TANC2: variants seen among roughly 807,000 people sequenced by gnomAD.
The protein encoded by TANC2 is tetratricopeptide repeat, ankyrin repeat and coiled-coil containing 2.
Under a neutral mutation model 210.5 loss-of-function variants are expected in TANC2, and 26 were observed. The observed-to-expected ratio is 0.12, with a 90% confidence interval of 0.09 to 0.17. The LOEUF is 0.17. Ranked by LOEUF, TANC2 falls within the 10% of genes least tolerant of loss-of-function variation. The pLI is 1.00. For synonymous variants in TANC2, 931 were observed against 967.1 expected, an observed-to-expected ratio of 0.96 and a Z score of 0.69; for missense variants, 2,129 against 2,608.9, an observed-to-expected ratio of 0.82 and a Z score of 4.01.
intron 7 of TANC2, among the ~76,000 whole-genome samples, chr17:63,205,626 C>T (rs373130006): frequency 2.6e-5 from 4 of 152,120 alleles, no homozygotes; most frequent in East Asian, 3.9e-4. Flanking sequence ...GCAAAAAGGC[C>T]GGGCACTGTG....
chr17:63,042,225 G>A (rs1214459161), intron 2 of TANC2, among the ~76,000 whole-genome samples: 1 of 151,934 alleles, frequency 6.6e-6, no homozygotes, highest in Non-Finnish European at 1.5e-5. Flanking sequence ...AGGATCTGGG[G>A]GAGGGAAAGT....
chr17:63,019,914 TTTTG>T (rs372966886), intron 2 of TANC2, among the ~76,000 whole-genome samples: 21 of 152,114 alleles, frequency 1.4e-4, no homozygotes, highest in East Asian at 9.7e-4. Context: ...AGTCTATAGT[TTTTG>T]TTTGTTTGTT....
intron 18 of TANC2, chr17:63,396,966 T>G (rs1228883647): frequency 1.3e-5 from 2 of 151,002 alleles, no homozygotes; most frequent in African/African-American, 2.4e-5. Flanking sequence ...ACAATAAAAT[T>G]TGAAATAATT....
At chr17:63,157,710 C>CATACATAA (rs2039886250) in intron 5 of TANC2, among the ~76,000 whole-genome samples, 1 of 151,894 alleles carries the variant, frequency 6.6e-6, no homozygotes, top group Admixed American at 6.6e-5. Context: ...AAAATATAAA[C>CATACATAA]ATACATAAAT....
At chr17:63,280,126 C>T (rs1263699633) in intron 9 of TANC2, among the ~76,000 whole-genome samples, 2 of 152,058 alleles carry the variant, frequency 1.3e-5, no homozygotes, top group Admixed American at 1.3e-4. Flanking sequence ...TCCTTTGTTT[C>T]ACATTTAATG....
chr17:63,106,998 G>A (rs1294265868), intron 4 of TANC2, among the ~76,000 whole-genome samples: 2 of 151,484 alleles, frequency 1.3e-5, no homozygotes, highest in Non-Finnish European at 2.9e-5. Flanking sequence ...GAAAGTTTGC[G>A]AAAGTGCCCA....
chr17:63,200,752 C>A lies in TANC2; in HGVS notation c.583-19C>A, dbSNP rs1435283071. The stretch of plus-strand genomic sequence containing the variant: ...AGCTGATCAGGTTATCTTACTTATT[C>A]ATGATTCCAATTTTTCAGACCTCAG... On this transcript the variant is annotated intron_variant, in intron 6 of 27. Transcript: ENST00000689528. The A allele has an allele frequency of 5.6e-6, 9 of 1,602,420 alleles. No individual in the cohort carries two copies. The highest frequency in any genetic ancestry group is 7.7e-6 in the Non-Finnish European group (9 of 1,173,972).
chr17:63,292,092 G>C (rs1174653594), intron 9 of TANC2, among the ~76,000 whole-genome samples: 2 of 152,132 alleles, frequency 1.3e-5, no homozygotes, highest in African/African-American at 2.4e-5. Flanking sequence ...ATTTCTATTG[G>C]ATATCCAAGC....
chr17:63,341,067 A>G (rs572453722), intron 12 of TANC2, among the ~76,000 whole-genome samples: 2 of 152,286 alleles, frequency 1.3e-5, no homozygotes, highest in South Asian at 4.1e-4. Context: ...GAAGCCAAAG[A>G]AAAGGATGTG....
At chr17:63,331,541 C>T (rs2045841923) in intron 11 of TANC2, among the ~76,000 whole-genome samples, 1 of 152,200 alleles carries the variant, frequency 6.6e-6, no homozygotes, top group African/African-American at 2.4e-5. Context: ...AGGTATTCTT[C>T]TTCGTATTAC....
At chr17:63,169,468 C>T (rs1289903782) in intron 5 of TANC2, among the ~76,000 whole-genome samples, 3 of 152,138 alleles carry the variant, frequency 2.0e-5, no homozygotes, top group Admixed American at 6.5e-5. Context: ...ATTCTAAATT[C>T]CATCTTCTCC....
chr17:63,415,844 A>G (rs1286274220), intron 26 of TANC2, among the ~76,000 whole-genome samples, 170 bp downstream of exon 26: 1 of 151,992 alleles, frequency 6.6e-6, no homozygotes, highest in Non-Finnish European at 1.5e-5. Context: ...TCTAAGTACA[A>G]TCTGTATCTC....
chr17:62,971,522 G>A (rs2031693148), intron 1 of TANC2, among the ~76,000 whole-genome samples: 1 of 152,192 alleles, frequency 6.6e-6, no homozygotes, highest in Admixed American at 6.5e-5. Context: ...TAGAGACAGT[G>A]TTTCACTCTG....
chr17:63,299,772 A>G (rs2044652355), intron 9 of TANC2, among the ~76,000 whole-genome samples: 1 of 152,098 alleles, frequency 6.6e-6, no homozygotes, highest in South Asian at 2.1e-4. Context: ...GCTGTGCAGA[A>G]GTTCTTTAGT....
chr17:63,210,450 A>G (rs2041850521), intron 7 of TANC2, among the ~76,000 whole-genome samples: 3 of 152,094 alleles, frequency 2.0e-5, no homozygotes, highest in Admixed American at 2.0e-4. Flanking sequence ...CACTTATGAG[A>G]CTCATTGCCA....
intron 4 of TANC2, among the ~76,000 whole-genome samples, chr17:63,114,194 A>T (rs1397411508): frequency 1.3e-5 from 2 of 152,188 alleles, no homozygotes; most frequent in Non-Finnish European, 2.9e-5. Context: ...AGCATCACAC[A>T]TTTGGGATAA....
At chr17:63,386,669 A>G (rs1193667023) in intron 15 of TANC2, among the ~76,000 whole-genome samples, 1 of 152,220 alleles carries the variant, frequency 6.6e-6, no homozygotes, top group South Asian at 2.1e-4. Context: ...TTGCGTATAT[A>G]TAGAAAATGT....
At chr17:63,419,874 G>A (rs1378714815) in intron 27 of TANC2, 125 bp from the exon 28 acceptor site, 33 of 1,165,134 alleles carry the variant, frequency 2.8e-5, no homozygotes, top group Non-Finnish European at 3.6e-5. Context: ...CAACTAAACC[G>A]AAATACCCCA....
intron 4 of TANC2, among the ~76,000 whole-genome samples, chr17:63,144,725 T>C (rs1053069526): frequency 3.9e-5 from 6 of 152,160 alleles, no homozygotes; most frequent in Non-Finnish European, 8.8e-5. Context: ...AAAGATACTT[T>C]GCAGCTGTGT....
Sources: gnomAD v4.1 joint callset for allele counts (sites outside exome capture counted in the v4.1 genomes callset) on GRCh38, gnomAD v4.1.1 for gene constraint, MANE v1.5 for transcripts, NCBI Gene and HGNC (gene_info 2026-07-23, HGNC 2026-07-21) for gene names.